The following SLC1A1 variants were observed in gnomAD, a reference collection of about 807,000 sequenced individuals.
The protein encoded by SLC1A1 is excitatory amino acid transporter 3.
In SLC1A1, 43 loss-of-function variants were observed where a neutral mutation model predicts 53.3. The observed-to-expected ratio is 0.81, with a 90% CI of 0.63 to 1.04. The LOEUF is 1.04. SLC1A1 is among the 50% of genes least tolerant of loss of function. SLC1A1 has a pLI of 0.00. For missense variants in SLC1A1, 748 were observed against 664.9 expected (o/e 1.12, Z -1.37); for synonymous variants, 307 against 243.2 (o/e 1.26, Z -2.44).
chr9:4,498,988 T>TTATA (rs1264356591), intron 1 of SLC1A1, among the ~76,000 whole-genome samples: 1 of 136,308 alleles, frequency 7.3e-6, no homozygotes, highest in East Asian at 1.9e-4. Flanking sequence ...ATCTTATATA[T>TTATA]TATATATAAG....
intron 1 of SLC1A1, among the ~76,000 whole-genome samples, chr9:4,502,740 T>G (rs560847051): frequency 6.6e-6 from 1 of 151,758 alleles, no homozygotes; most frequent in South Asian, 2.1e-4. Flanking sequence ...CTAGTAAACC[T>G]TGATACACCT....
intron 5 of SLC1A1, among the ~76,000 whole-genome samples, chr9:4,566,975 C>A (rs1819550388): frequency 6.6e-6 from 1 of 152,190 alleles, no homozygotes; most frequent in African/African-American, 2.4e-5. Flanking sequence ...GGGACAGAAC[C>A]TCCTCTATTA....
At chr9:4,545,620 C>G (rs1418266564) in intron 2 of SLC1A1, among the ~76,000 whole-genome samples, 1 of 152,170 alleles carries the variant, frequency 6.6e-6, no homozygotes, top group Non-Finnish European at 1.5e-5. Flanking sequence ...TATGTGTCTG[C>G]CCTGCATATT....
intron 5 of SLC1A1, among the ~76,000 whole-genome samples, chr9:4,566,509 A>C (rs1033673752): frequency 6.6e-6 from 1 of 152,120 alleles, no homozygotes; most frequent in Non-Finnish European, 1.5e-5. Context: ...CCCAGGATCT[A>C]ACCCTCATGG....
At chr9:4,566,899 T>A (rs763010831) in intron 5 of SLC1A1, among the ~76,000 whole-genome samples, 2 of 152,194 alleles carry the variant, frequency 1.3e-5, no homozygotes, top group Non-Finnish European at 2.9e-5. Context: ...ATAAGTTACA[T>A]GAACACAGAC....
intron 1 of SLC1A1, among the ~76,000 whole-genome samples, chr9:4,493,354 G>C (rs770865096): frequency 2.6e-5 from 4 of 152,126 alleles, no homozygotes; most frequent in Admixed American, 2.6e-4. Flanking sequence ...AGTCTGTAAG[G>C]GCTGATTTGT....
intron 2 of SLC1A1, among the ~76,000 whole-genome samples, chr9:4,555,353 A>C (rs1002654798): frequency 6.6e-6 from 1 of 152,208 alleles, no homozygotes; most frequent in Non-Finnish European, 1.5e-5. Context: ...AGAGATTGTC[A>C]CGAAAGCTTT....
chr9:4,540,123 GGAGAAGCAGCTAGACATTGGA>G (rs899290288), intron 1 of SLC1A1, among the ~76,000 whole-genome samples: 2 of 152,148 alleles, frequency 1.3e-5, no homozygotes, highest in African/African-American at 4.8e-5. Flanking sequence ...AAGGAGAAGA[GGAGAAGCAGCTAGACATTGGA>G]GAGAAGCAGC....
At chr9:4,528,297 G>A (rs1003568199) in intron 1 of SLC1A1, among the ~76,000 whole-genome samples, 1 of 152,190 alleles carries the variant, frequency 6.6e-6, no homozygotes, top group African/African-American at 2.4e-5. Context: ...TAGGAGGTGG[G>A]CACAGTGGCT....
intron 1 of SLC1A1, among the ~76,000 whole-genome samples, chr9:4,521,469 G>C (rs1199533871): frequency 6.6e-6 from 1 of 152,170 alleles, no homozygotes; most frequent in Non-Finnish European, 1.5e-5. Flanking sequence ...AAAGTGCCAT[G>C]GTGGCTGAGG....
chr9:4,515,613 C>CATCAGTGTGAAGCAT (rs1490481053), intron 1 of SLC1A1, among the ~76,000 whole-genome samples: 1 of 152,056 alleles, frequency 6.6e-6, no homozygotes, highest in Non-Finnish European at 1.5e-5. Flanking sequence ...TGAACATCAA[C>CATCAGTGTGAAGCAT]AATGTCAAAG....
At chr9:4,567,206 A>T (rs868299536) in intron 5 of SLC1A1, among the ~76,000 whole-genome samples, 72 of 152,240 alleles carry the variant, frequency 4.7e-4, no homozygotes, top group African/African-American at 1.6e-3. Flanking sequence ...TTTTGGAACA[A>T]CCATATCGTT....
intron 6 of SLC1A1, among the ~76,000 whole-genome samples, chr9:4,568,244 A>G (rs1430589894): frequency 6.6e-6 from 1 of 151,706 alleles, no homozygotes; most frequent in Non-Finnish European, 1.5e-5. Flanking sequence ...ACATAGTGAC[A>G]CCTCACCTCT....
chr9:4,549,753 C>T lies in SLC1A1; in HGVS notation c.232+5046C>T, dbSNP rs571910078. Among the ~76,000 whole-genome samples, 15 of 152,230 alleles carry T rather than the reference C, an allele frequency of 9.9e-5. No homozygotes were observed. Among genetic ancestry groups the T allele is most frequent in the Admixed American group, 2.0e-4 (3 of 15,288 alleles). ...AGGGGGATAGCCTTTCCTCGTGGAC[C>T]CCATCAGGAGCCTTCCATAGACTCC... On this transcript the variant is annotated intron_variant, in intron 2 of 11. Transcript: ENST00000262352. The surrounding 1 kb of genome is among the most constrained non-coding windows in gnomAD (Gnocchi z 4.1).
Position 4,583,054 on chromosome 9 carries a change from G to A in SLC1A1, c.1210G>A (p.Ala404Thr). 1 of 1,614,230 alleles carries A rather than the reference G, an allele frequency of 6.2e-7. No homozygotes were observed. The highest frequency in any genetic ancestry group is 8.5e-7 in the Non-Finnish European group (1 of 1,180,038). ...IITISITATS[A>T]SIGAAGVPQA... ...TTTCTGCAGTATCACGGCCACATCT[G>A]CCAGCATCGGAGCTGCTGGCGTGCC... Residue 404 changes from alanine (A) to threonine (T), a missense_variant, in exon 11 of 12, where the codon GCC (alanine) becomes ACC (threonine). Transcript: ENST00000262352. The surrounding 1 kb of genome is among the most constrained non-coding windows in gnomAD (Gnocchi z 4.6).
intron 1 of SLC1A1, among the ~76,000 whole-genome samples, chr9:4,540,097 T>A (rs1226276769): frequency 6.6e-6 from 1 of 151,782 alleles, no homozygotes; most frequent in Admixed American, 6.6e-5. Flanking sequence ...AAAACCCCAG[T>A]CTCCAACAGC....
At chr9:4,542,994 G>A (rs150015606) in intron 1 of SLC1A1, among the ~76,000 whole-genome samples, 32 of 152,272 alleles carry the variant, frequency 2.1e-4, no homozygotes, top group African/African-American at 7.2e-4. Context: ...GCATCCAGTA[G>A]TGCATGCACA....
At chr9:4,557,817 G>C (rs10974621) in intron 2 of SLC1A1, among the ~76,000 whole-genome samples, 3,196 of 152,168 alleles carry the variant, frequency 0.021, 112 homozygotes, top group African/African-American at 0.073. Flanking sequence ...CACATGGATA[G>C]AGCCAATATG....
At chr9:4,573,218 G>A (rs7871243) in intron 7 of SLC1A1, among the ~76,000 whole-genome samples, 70,673 of 151,874 alleles carry the variant, frequency 0.47, 17,055 homozygotes, top group African/African-American at 0.58. Context: ...CATCTGTCTC[G>A]CTTACCTCAT....
Sources: gnomAD v4.1 joint callset for allele counts (sites outside exome capture counted in the v4.1 genomes callset) on GRCh38, gnomAD v4.1.1 for gene constraint, Gnocchi (gnomAD v3.1) non-coding constraint, MANE v1.5 for transcripts, NCBI Gene and HGNC (gene_info 2026-07-23, HGNC 2026-07-21) for gene names.